RBPJ: variants seen among roughly 807,000 people sequenced by gnomAD.
The protein encoded by RBPJ is recombining binding protein suppressor of hairless.
Under a neutral mutation model 67.8 loss-of-function variants are expected in RBPJ, and 9 were observed. The observed-to-expected ratio is 0.13, with a 90% confidence interval of 0.08 to 0.23. RBPJ has a LOEUF of 0.23. Ranked by LOEUF, RBPJ falls within the 10% of genes least tolerant of loss-of-function variation. RBPJ has a pLI of 1.00. For synonymous variants in RBPJ, 198 were observed against 203.3 expected (o/e 0.97, Z 0.22); for missense variants, 305 against 595.6 (o/e 0.51, Z 5.08).
At chr4:26,228,182 G>A (rs565537330) in intron 1 of RBPJ, among the ~76,000 whole-genome samples, 4 of 152,334 alleles carry the variant, frequency 2.6e-5, no homozygotes, top group East Asian at 3.9e-4. Context: ...TTATTTGTTC[G>A]AGCTTATTTG....
intron 1 of RBPJ, among the ~76,000 whole-genome samples, chr4:26,167,446 G>A (rs932065814): frequency 6.8e-6 from 1 of 146,846 alleles, no homozygotes; most frequent in Non-Finnish European, 1.5e-5. Context: ...CTTGTAAGTT[G>A]GATTCCTAAG....
intron 1 of RBPJ, among the ~76,000 whole-genome samples, chr4:26,344,746 AC>A (rs2109414844): frequency 6.6e-6 from 1 of 152,054 alleles, no homozygotes; most frequent in South Asian, 2.1e-4. Flanking sequence ...CCTGCTCCCC[AC>A]CCCACCTCAA....
the RBPJ span, among the ~76,000 whole-genome samples, chr4:26,137,725 C>G: frequency 1.3e-5 from 2 of 152,250 alleles, no homozygotes; most frequent in Non-Finnish European, 2.9e-5. Context: ...TCAGGCACAG[C>G]TGTCACCTGG....
chr4:26,429,114 TGAA>T (rs1360017491), intron 8 of RBPJ, among the ~76,000 whole-genome samples: 1 of 152,198 alleles, frequency 6.6e-6, no homozygotes, highest in Non-Finnish European at 1.5e-5. Flanking sequence ...GGTTCTTAAT[TGAA>T]GAACAAAGAG....
At chr4:26,123,312 T>C in the RBPJ span, among the ~76,000 whole-genome samples, 1 of 152,126 alleles carries the variant, frequency 6.6e-6, no homozygotes, top group Non-Finnish European at 1.5e-5. Flanking sequence ...AGCAAAAATA[T>C]GGTATAAAAT....
At chr4:26,315,575 T>C (rs916610302), upstream of RBPJ, among the ~76,000 whole-genome samples, 6 of 152,138 alleles carry the variant, frequency 3.9e-5, no homozygotes, top group African/African-American at 1.4e-4. Flanking sequence ...TGAGGGTTTA[T>C]GTTCAGCTGT....
At chr4:26,195,243 G>C (rs528322460) in intron 1 of RBPJ, among the ~76,000 whole-genome samples, 1 of 152,254 alleles carries the variant, frequency 6.6e-6, no homozygotes, top group Admixed American at 6.5e-5. Flanking sequence ...GTGGCAGCAT[G>C]CCTGTAGTCC....
chr4:26,376,274 A>G (rs139433790), intron 1 of RBPJ, among the ~76,000 whole-genome samples: 368 of 152,314 alleles, frequency 2.4e-3, no homozygotes, highest in Non-Finnish European at 3.8e-3. Context: ...TCATTTAACA[A>G]TAACTCTCCA....
intron 1 of RBPJ, among the ~76,000 whole-genome samples, chr4:26,200,883 T>A (rs537090143): frequency 1.9e-3 from 282 of 152,306 alleles, no homozygotes; most frequent in Non-Finnish European, 3.5e-3. Context: ...CATCAAGCTG[T>A]AAATTACTTG....
chr4:26,212,447 T>TTA (rs1718461413), intron 1 of RBPJ, among the ~76,000 whole-genome samples: 1 of 144,400 alleles, frequency 6.9e-6, no homozygotes, highest in Admixed American at 6.9e-5. Flanking sequence ...TTTTTTTTTT[T>TTA]TTTTTTTGAG....
rs1221636023 is a variant in RBPJ, at chr4:26,215,354, AGAAG to A, written c.-167+51757_-167+51760del. ...AAGAGAGAGAGAAAGAAAGAAAAAAAGAAGGAAGGAAGGAAGGAAGAAGGGAGGG... is the reference window on the plus strand; with the variant it reads ...AAGAGAGAGAGAAAGAAAGAAAAAAAGAAGGAAGGAAGGAAGAAGGGAGGG... On this transcript the variant is annotated intron_variant, in intron 1 of 4. Coordinates refer to the RBPJ transcript ENST00000512351. Among the ~76,000 whole-genome samples, 312 of 76,752 alleles carry A rather than the reference AGAAG, an allele frequency of 4.1e-3. 10 individuals carry two copies. The highest frequency in any genetic ancestry group is 4.9e-3 in the South Asian group (10 of 2,026). The allele number at this position is 76,752 out of a possible 152,430, so 50.4% of individuals were successfully genotyped here. A position where few individuals can be genotyped will look rare whatever the true frequency, so the allele number is the denominator to read the frequency against.
intron 1 of RBPJ, among the ~76,000 whole-genome samples, chr4:26,195,118 C>A (rs936878725): frequency 1.3e-5 from 2 of 152,296 alleles, no homozygotes; most frequent in Admixed American, 6.5e-5. Context: ...TGTCTGTAAT[C>A]CCAACACTGG....
At chr4:26,293,703 T>A (rs540305745) in intron 1 of RBPJ, among the ~76,000 whole-genome samples, 5 of 138,080 alleles carry the variant, frequency 3.6e-5, no homozygotes, top group Non-Finnish European at 8.2e-5. Flanking sequence ...ATGCTAATTA[T>A]GATGGCAAAA....
At chr4:26,332,550 A>G (rs997629358) in intron 1 of RBPJ, among the ~76,000 whole-genome samples, 2 of 152,134 alleles carry the variant, frequency 1.3e-5, no homozygotes, top group African/African-American at 4.8e-5. Context: ...CTTGATATGG[A>G]AATTTTTCTT....
intron 1 of RBPJ, among the ~76,000 whole-genome samples, chr4:26,313,499 C>G (rs945010817): frequency 6.6e-5 from 10 of 151,676 alleles, no homozygotes; most frequent in African/African-American, 2.4e-4. Flanking sequence ...AACCCCGTCT[C>G]TACCAAAAAA....
At chr4:26,407,608 G>T (rs1042812578) in intron 3 of RBPJ, among the ~76,000 whole-genome samples, 4 of 152,032 alleles carry the variant, frequency 2.6e-5, no homozygotes, top group Non-Finnish European at 4.4e-5. Flanking sequence ...CATGGAAAAA[G>T]CCTGCTTATG....
At chr4:26,144,856 C>T in the RBPJ span, among the ~76,000 whole-genome samples, 2 of 152,114 alleles carry the variant, frequency 1.3e-5, no homozygotes, top group Non-Finnish European at 2.9e-5. Context: ...TCCAGTCTCC[C>T]TTCCCTCCCT....
chr4:26,291,638 A>G lies in RBPJ; in HGVS notation c.-166-70808A>G, dbSNP rs985012617. ...GTCGCCCAGGCCAGAGTGCAGTGGCACAGTCCCTGCTCACTGCAACCTCCG... is the reference window on the plus strand; with the variant it reads ...GTCGCCCAGGCCAGAGTGCAGTGGCGCAGTCCCTGCTCACTGCAACCTCCG... On this transcript the variant is annotated intron_variant, in intron 1 of 4. Coordinates refer to the RBPJ transcript ENST00000512351. 3.5e-4 allele frequency among the ~76,000 whole-genome samples: 53 copies of G among 149,522 alleles called. 2 individuals are homozygous for G. Among genetic ancestry groups the G allele is most frequent in the African/African-American group, 1.2e-3 (47 of 40,494 alleles).
chr4:26,147,351 A>G, the RBPJ span, among the ~76,000 whole-genome samples: 1 of 152,200 alleles, frequency 6.6e-6, no homozygotes, highest in Admixed American at 6.5e-5. Context: ...TGTTGCTGAC[A>G]CTTCTGTGTG....
Sources: gnomAD v4.1 joint callset for allele counts (sites outside exome capture counted in the v4.1 genomes callset) on GRCh38, gnomAD v4.1.1 for gene constraint, MANE v1.5 for transcripts, NCBI Gene and HGNC (gene_info 2026-07-23, HGNC 2026-07-21) for gene names.